The following AKR1C3 variants were observed in gnomAD, a reference collection of about 807,000 sequenced individuals.
AKR1C3 encodes 3-alpha hydroxysteroid dehydrogenase, type II.
Under a neutral mutation model 43.6 loss-of-function variants are expected in AKR1C3, and 48 were observed. The ratio of observed to expected loss-of-function variants is 1.10; its 90% CI spans 0.87 to 1.40. The LOEUF (loss-of-function observed/expected upper bound fraction) is 1.40. Among genes scored for constraint, AKR1C3 ranks in the 40% most tolerant of loss-of-function variants. AKR1C3 has a pLI of 0.00. For synonymous variants in AKR1C3, 162 were observed against 139.6 expected, an observed-to-expected ratio of 1.16 and a Z score of -1.13; for missense variants, 482 against 391.2, an observed-to-expected ratio of 1.23 and a Z score of -1.96.
intron 1 of AKR1C3, among the ~76,000 whole-genome samples, chr10:5,088,709 G>A (rs1250145548): frequency 6.6e-6 from 1 of 151,684 alleles, no homozygotes; most frequent in African/African-American, 2.4e-5. Flanking sequence ...AGACCTAATG[G>A]TAGATCTCCT....
chr10:5,073,329 C>T (rs1038391727), intron 1 of AKR1C3, among the ~76,000 whole-genome samples: 3 of 152,084 alleles, frequency 2.0e-5, no homozygotes, highest in African/African-American at 7.2e-5. Flanking sequence ...TGTAGAATGG[C>T]AGGAGATTTC....
intron 1 of AKR1C3, among the ~76,000 whole-genome samples, chr10:5,094,829 G>A (rs1839171822): frequency 6.6e-6 from 1 of 152,118 alleles, no homozygotes; most frequent in South Asian, 2.1e-4. Flanking sequence ...TCTCCCTCTG[G>A]TGGAGATTAA....
At chr10:5,085,193 TATG>T (rs1554782926) in intron 1 of AKR1C3, among the ~76,000 whole-genome samples, 1 of 152,078 alleles carries the variant, frequency 6.6e-6, no homozygotes, top group Admixed American at 6.5e-5. Flanking sequence ...GCCCATTCAG[TATG>T]ATATTAGCTG....
At chr10:5,063,744 C>CAG (rs1272058977) in intron 1 of AKR1C3, among the ~76,000 whole-genome samples, 2 of 79,910 alleles carry the variant, frequency 2.5e-5, no homozygotes, top group East Asian at 8.9e-4. Flanking sequence ...CCCTGGAGGA[C>CAG]AGAGGTAGTC....
chr10:5,096,170 A>C (rs1233049655), intron 1 of AKR1C3: 15 of 392,722 alleles, frequency 3.8e-5, no homozygotes, highest in Non-Finnish European at 5.9e-5. Flanking sequence ...ACTGAATCTG[A>C]GGGTGTTATT....
chr10:5,081,412 T>C (rs1554782343), intron 1 of AKR1C3, among the ~76,000 whole-genome samples: 2 of 152,218 alleles, frequency 1.3e-5, no homozygotes, highest in Non-Finnish European at 2.9e-5. Context: ...GCCAAAATGC[T>C]TGCATTGACC....
chr10:5,094,309 G>A (rs1839160329), upstream of AKR1C3: 20 of 908,994 alleles, frequency 2.2e-5, no homozygotes, highest in Non-Finnish European at 3.2e-5. Flanking sequence ...GACTGCCTAT[G>A]TACCTCCTCC....
chr10:5,078,745 G>A (rs1430876894), intron 1 of AKR1C3, among the ~76,000 whole-genome samples: 3 of 152,194 alleles, frequency 2.0e-5, no homozygotes, highest in Non-Finnish European at 4.4e-5. Context: ...GAGCACATGT[G>A]GTTTAAATGC....
Position 5,107,580 on chromosome 10 carries a change from A to T in AKR1C3, c.*77A>T. 8.5e-7 allele frequency: 1 copy of T among 1,176,492 alleles called. No homozygotes were observed. Among genetic ancestry groups the T allele is most frequent in the Non-Finnish European group, 1.3e-6 (1 of 794,814 alleles). The allele number at this position is 1,176,492 out of a possible 1,614,324, so 72.9% of individuals were successfully genotyped here. A position where few individuals can be genotyped will look rare whatever the true frequency, so the allele number is the denominator to read the frequency against. On this transcript the variant is annotated 3_prime_UTR_variant, in exon 9 of 9. Transcript: ENST00000380554. ...CGCAGAGGACGTCTCTATGCCGGTG[A>T]CTGGACATATCACCTCTACTTAAAT...
chr10:5,084,954 T>C, intron 1 of AKR1C3, among the ~76,000 whole-genome samples: 1 of 152,200 alleles, frequency 6.6e-6, no homozygotes, highest in Non-Finnish European at 1.5e-5. Context: ...CTGAAGTTGC[T>C]TATCAGCTTG....
chr10:5,060,016 G>A (rs1838349764), intron 1 of AKR1C3, among the ~76,000 whole-genome samples: 1 of 152,140 alleles, frequency 6.6e-6, no homozygotes, highest in Admixed American at 6.5e-5. Context: ...GCTGGCTCAG[G>A]AGTGAAGCTG....
intron 1 of AKR1C3, among the ~76,000 whole-genome samples, chr10:5,073,341 T>A (rs937976788): frequency 6.6e-6 from 1 of 152,212 alleles, no homozygotes; most frequent in African/African-American, 2.4e-5. Context: ...GGAGATTTCA[T>A]TTTTAACATT....
intron 1 of AKR1C3, among the ~76,000 whole-genome samples, chr10:5,049,462 A>T (rs1554778733): frequency 6.6e-6 from 1 of 152,214 alleles, no homozygotes; most frequent in East Asian, 1.9e-4. Context: ...GATATAAAAT[A>T]TCCTCATTTT....
chr10:5,060,559 C>T (rs1838362480), intron 1 of AKR1C3, among the ~76,000 whole-genome samples: 2 of 152,214 alleles, frequency 1.3e-5, no homozygotes, highest in Admixed American at 1.3e-4. Flanking sequence ...GGTGTATTTA[C>T]AATCCCTTAG....
chr10:5,075,639 C>G (rs1554781735), intron 1 of AKR1C3, among the ~76,000 whole-genome samples: 1 of 152,116 alleles, frequency 6.6e-6, no homozygotes, highest in Non-Finnish European at 1.5e-5. Flanking sequence ...CTTTGGGAGG[C>G]TGAGGTGGGC....
intron 1 of AKR1C3, among the ~76,000 whole-genome samples, chr10:5,078,629 C>T (rs1165744797): frequency 3.9e-5 from 6 of 152,156 alleles, no homozygotes; most frequent in Admixed American, 6.5e-5. Flanking sequence ...CTCTCCAGTC[C>T]GACATATTCC....
At chr10:5,060,172 A>G (rs540652264) in intron 1 of AKR1C3, among the ~76,000 whole-genome samples, 8 of 152,326 alleles carry the variant, frequency 5.3e-5, no homozygotes, top group East Asian at 1.9e-4. Context: ...GTGTGGACCC[A>G]AAGAGTGAGC....
At chr10:5,078,060 T>C (rs1838751922) in intron 1 of AKR1C3, 5 of 633,940 alleles carry the variant, frequency 7.9e-6, no homozygotes, top group Non-Finnish European at 1.4e-5. Context: ...GGAAATACCA[T>C]TACAAAAACA....
At chr10:5,059,524 C>T (rs1324515553) in intron 1 of AKR1C3, among the ~76,000 whole-genome samples, 3 of 152,158 alleles carry the variant, frequency 2.0e-5, no homozygotes, top group Non-Finnish European at 4.4e-5. Context: ...ACAGGAAAAG[C>T]AGAAGCTGGT....
Sources: allele counts gnomAD v4.1 joint callset (sites outside exome capture counted in the v4.1 genomes callset), GRCh38; gene constraint gnomAD v4.1.1; transcripts MANE v1.5; gene names NCBI Gene and HGNC (gene_info 2026-07-23, HGNC 2026-07-21).